ZC3H7B: variants seen among roughly 807,000 people sequenced by gnomAD.
The protein encoded by ZC3H7B is zinc finger CCCH domain-containing protein 7B.
Under a neutral mutation model 116.0 loss-of-function variants are expected in ZC3H7B, and 35 were observed. That is an observed-to-expected ratio of 0.30 (90% CI 0.23 to 0.40). The LOEUF (loss-of-function observed/expected upper bound fraction) is 0.40. ZC3H7B is among the 10% of genes least tolerant of loss of function. The probability of loss-of-function intolerance (pLI) is 1.00; values close to 1 mark genes in which losing one functional copy is unlikely to be tolerated. For missense variants in ZC3H7B, 1,011 were observed against 1,321.5 expected, an observed-to-expected ratio of 0.77 and a Z score of 3.64; for synonymous variants, 502 against 545.6, an observed-to-expected ratio of 0.92 and a Z score of 1.11.
rs2036584569 is a variant in ZC3H7B, at chr22:41,346,303, G to C, written c.1665+95G>C. The C allele has an allele frequency of 7.2e-7, 1 of 1,386,600 alleles. No homozygotes were observed. Among genetic ancestry groups the C allele is most frequent in the Non-Finnish European group, 9.8e-7 (1 of 1,017,436 alleles). The allele number at this position is 1,386,600 out of a possible 1,614,324, so 85.9% of individuals were successfully genotyped here. On this transcript the variant is annotated intron_variant, in intron 14 of 22. Transcript: ENST00000352645. This position sits in a 1 kb window ranked among gnomAD's most constrained non-coding sequence, Gnocchi z 5.3. The stretch of plus-strand genomic sequence containing the variant: ...CGGACCACCATAGGAAGTCAGCCCT[G>C]GAACCCGTGGGCTGTGGAGGCCTGG...
chr22:41,355,578 A>G lies in ZC3H7B; in HGVS notation c.2144A>G (p.Tyr715Cys). The change falls in exon 18 of 23, where the codon TAC becomes TGC. Residue 715 changes from tyrosine to cysteine, a missense_variant. This residue lies in a region of ZC3H7B where 406 missense variants were observed against 590.2 expected (regional missense o/e 0.69). Transcript: ENST00000352645. ...GTGGAGCCTGACAAGGACCTCAAGT[A>G]CTGTAGTGCCAAGGCCCGGCACTGG... ...QVVEPDKDLK[Y>C]CSAKARHCWT... The G allele has an allele frequency of 6.2e-7, 1 of 1,614,128 alleles. No individual in the cohort carries two copies. The highest frequency in any genetic ancestry group is 8.5e-7 in the Non-Finnish European group (1 of 1,180,004).
intron 14 of ZC3H7B, among the ~76,000 whole-genome samples, chr22:41,347,809 C>A (rs1221270215): frequency 6.6e-6 from 1 of 152,118 alleles, no homozygotes; most frequent in Non-Finnish European, 1.5e-5. Flanking sequence ...CATGAAGTAA[C>A]CCCCTGCCTC....
chr22:41,349,051 C>A lies in ZC3H7B; in HGVS notation c.1767-69C>A. ...GGAGAGCCTGGCACTGGGAAGGTGG[C>A]CCTACCAGGAGAGAAGGTCAGAGGG... On this transcript the variant is annotated intron_variant, in intron 15 of 22. Transcript: ENST00000352645. This position sits in a 1 kb window ranked among gnomAD's most constrained non-coding sequence, Gnocchi z 4.9. 6.5e-7 allele frequency: 1 copy of A among 1,529,632 alleles called. No individual in the cohort carries two copies. The highest frequency in any genetic ancestry group is 8.9e-7 in the Non-Finnish European group (1 of 1,126,388). 94.8% of individuals were successfully genotyped at this position (1,529,632 alleles called of 1,614,324 possible). A position where few individuals can be genotyped will look rare whatever the true frequency, so the allele number is the denominator to read the frequency against.
Position 41,301,632 on chromosome 22 carries a change from C to A in ZC3H7B, c.-147C>A, listed in dbSNP as rs2035965320. The A allele has an allele frequency of 6.6e-6, 1 of 152,034 alleles. No individual in the cohort carries two copies. Among genetic ancestry groups the A allele is most frequent in the African/African-American group, 2.4e-5 (1 of 41,382 alleles). 9.4% of individuals were successfully genotyped at this position (152,034 alleles called of 1,614,324 possible). A position where few individuals can be genotyped will look rare whatever the true frequency, so the allele number is the denominator to read the frequency against. ...GACGGAGCTGCCGGGGCGGCGGCGC[C>A]GGGAGCAGGATGCGGCCGCCCGTAA... On this transcript the variant is annotated 5_prime_UTR_variant, in exon 1 of 23. Transcript: ENST00000352645.
At position 41,349,241 on chromosome 22, in the gene ZC3H7B, A is replaced by G; in HGVS notation, c.1888A>G (p.Ser630Gly). Residue 630 changes from serine (S) to glycine (G), a missense_variant, in exon 16 of 23, where the codon AGC becomes GGC. By Grantham distance (56) the Ser-to-Gly change is moderately conservative (BLOSUM62 0). Around this residue, in one of 5 missense-constraint regions of ZC3H7B, gnomAD observed 406 missense variants for 590.2 expected, o/e 0.69. Transcript: ENST00000352645. This position sits in a 1 kb window ranked among gnomAD's most constrained non-coding sequence, Gnocchi z 4.9. ...GCGCTACGGCTGCCTGCGGGAGGAC[A>G]GCTGCCACTTCGCCCACAGCTTCAT... ...EVRYGCLRED[S>G]CHFAHSFIEL... 6.2e-7 allele frequency: 1 copy of G among 1,613,420 alleles called. No homozygotes were observed. Among genetic ancestry groups the G allele is most frequent in the South Asian group, 1.1e-5 (1 of 91,084 alleles).
At chr22:41,340,752 A>G (rs747089664) in intron 10 of ZC3H7B, among the ~76,000 whole-genome samples, 1 of 152,190 alleles carries the variant, frequency 6.6e-6, no homozygotes, top group Non-Finnish European at 1.5e-5. Context: ...CTAGCCTGGC[A>G]TGGCATGGCG....
chr22:41,320,631 G>C, intron 1 of ZC3H7B, 24 bp from the exon 2 acceptor site: 1 of 1,613,122 alleles, frequency 6.2e-7, no homozygotes, highest in Non-Finnish European at 8.5e-7. Context: ...CTGACTGACT[G>C]ATGGACTGTG....
At chr22:41,343,273 G>A in intron 12 of ZC3H7B, 142 bp from the exon 13 acceptor site, 1 of 1,087,598 alleles carries the variant, frequency 9.2e-7, no homozygotes. Flanking sequence ...CAGGAAGGGT[G>A]TGGTGGGAGC....
intron 1 of ZC3H7B, among the ~76,000 whole-genome samples, chr22:41,313,527 G>A (rs563533523): frequency 3.3e-5 from 5 of 152,296 alleles, no homozygotes; most frequent in African/African-American, 7.2e-5. Flanking sequence ...CCTTGAAGGA[G>A]CAAGAGGGGA....
chr22:41,356,534 C>T (rs2036720382), intron 21 of ZC3H7B, 58 bp downstream of exon 21: 6 of 1,610,524 alleles, frequency 3.7e-6, no homozygotes, highest in Admixed American at 1.7e-5. Flanking sequence ...CTGAGCCTCA[C>T]CTGGGAGGGG....
intron 1 of ZC3H7B, among the ~76,000 whole-genome samples, chr22:41,319,225 C>A (rs1320807707): frequency 6.6e-6 from 1 of 152,010 alleles, no homozygotes; most frequent in African/African-American, 2.4e-5. Flanking sequence ...CACGGTGAAA[C>A]CCCCTCTCTA....
intron 1 of ZC3H7B, among the ~76,000 whole-genome samples, chr22:41,314,219 C>T (rs889251257): frequency 3.3e-5 from 5 of 151,522 alleles, no homozygotes; most frequent in African/African-American, 7.3e-5. Context: ...TGCAGTGTTG[C>T]GATCTCAGCT....
chr22:41,355,485 A>G lies in ZC3H7B; in HGVS notation c.2051A>G (p.His684Arg). The G allele has an allele frequency of 6.2e-6, 10 of 1,614,078 alleles. No homozygotes were observed. Among genetic ancestry groups the G allele is most frequent in the Non-Finnish European group, 8.5e-6 (10 of 1,180,008 alleles). The change falls in exon 18 of 23, where the codon CAT becomes CGT. Residue 684 changes from histidine to arginine, a missense_variant. Physicochemically the swap from His to Arg is conservative, Grantham distance 29. This residue lies in a region of ZC3H7B where 406 missense variants were observed against 590.2 expected (regional missense o/e 0.69). Coordinates refer to ENST00000352645, the MANE Select transcript of ZC3H7B (RefSeq NM_017590.6). ...CCCCCACAGGGTGCTCCGAGGACACATGGGCCCAGCACCTTTGACCTGCAG... is the reference window on the plus strand; with the variant it reads ...CCCCCACAGGGTGCTCCGAGGACACGTGGGCCCAGCACCTTTGACCTGCAG... ...ASSSMGAPRTHGPSTFDLQMK... is the reference protein window; with the variant it reads ...ASSSMGAPRTRGPSTFDLQMK...
chr22:41,321,706 C>G (rs2036258369), intron 2 of ZC3H7B, among the ~76,000 whole-genome samples: 1 of 151,976 alleles, frequency 6.6e-6, no homozygotes, highest in African/African-American at 2.4e-5. Context: ...AGCCTTATTT[C>G]CATTTTGCAG....
intron 2 of ZC3H7B, among the ~76,000 whole-genome samples, chr22:41,324,965 G>A (rs577837822): frequency 1.3e-5 from 2 of 152,298 alleles, no homozygotes; most frequent in South Asian, 2.1e-4. Flanking sequence ...GCCTTCAGCT[G>A]CAGCTGGAGC....
At chr22:41,316,596 CTTTTTT>C (rs371933916) in intron 1 of ZC3H7B, among the ~76,000 whole-genome samples, 1 of 98,920 alleles carries the variant, frequency 1.0e-5, no homozygotes, top group African/African-American at 4.1e-5. Context: ...CACACCTGGC[CTTTTTT>C]TTTTTTTTTT....
Position 41,343,533 on chromosome 22 carries a change from G to A in ZC3H7B, c.1416G>A (p.Arg472=), listed in dbSNP as rs925771002. 11 of 1,612,972 alleles carry A rather than the reference G, an allele frequency of 6.8e-6. No individual in the cohort carries two copies. Among genetic ancestry groups the A allele is most frequent in the Admixed American group, 1.7e-5 (1 of 59,984 alleles). Residue 472 remains arginine, a synonymous_variant, in exon 13 of 23, where the codon CGG becomes CGA. Transcript: ENST00000352645. ...AGACCTGGAAGCGGATCCGGCCCCG[G>A]CCCACTAAGACCAGCTTCGTGGGCT... ...EDQTWKRIRP[R]PTKTSFVGSY...
intron 1 of ZC3H7B, among the ~76,000 whole-genome samples, chr22:41,319,149 C>G (rs1015161380): frequency 6.6e-6 from 1 of 152,118 alleles, no homozygotes; most frequent in Non-Finnish European, 1.5e-5. Flanking sequence ...CGCCTGTAAT[C>G]CCAGCACTTT....
Position 41,359,880 on chromosome 22 carries a change from A to G in ZC3H7B, c.*2451A>G, listed in dbSNP as rs1250644075. 1 of 138,290 alleles carries G rather than the reference A, an allele frequency of 7.2e-6. No individual in the cohort carries two copies. Among genetic ancestry groups the G allele is most frequent in the Non-Finnish European group, 1.6e-5 (1 of 63,458 alleles). The allele number at this position is 138,290 out of a possible 1,614,324, so 8.6% of individuals were successfully genotyped here. On this transcript the variant is annotated 3_prime_UTR_variant, in exon 23 of 23. Coordinates refer to ENST00000352645, the MANE Select transcript of ZC3H7B (RefSeq NM_017590.6). Reference sequence around the variant, plus strand: ...CCTGTGTTCCCCCCGGCAGGCAGGGACAAGATGGCATGGCAAGCATGGGGG... The same window carrying G: ...CCTGTGTTCCCCCCGGCAGGCAGGGGCAAGATGGCATGGCAAGCATGGGGG...
Sources: allele counts gnomAD v4.1 joint callset (sites outside exome capture counted in the v4.1 genomes callset), GRCh38; gene constraint gnomAD v4.1.1; regional missense constraint gnomAD v4.1.1; non-coding constraint Gnocchi (gnomAD v3.1); transcripts MANE v1.5; gene names NCBI Gene and HGNC (gene_info 2026-07-23, HGNC 2026-07-21).